CDNF: variants seen among roughly 807,000 people sequenced by gnomAD.
The protein encoded by CDNF is cerebral dopamine neurotrophic factor.
CDNF carries 9 observed loss-of-function variants against 14.8 expected under a neutral mutation model. The ratio of observed to expected loss-of-function variants is 0.61; its 90% CI spans 0.37 to 1.06. The LOEUF is 1.06. Among genes scored for constraint, CDNF ranks in the 50% least tolerant of loss-of-function variants. The pLI, the probability that CDNF is intolerant of heterozygous loss-of-function variation, is 0.01. For synonymous variants in CDNF, 86 were observed against 87.2 expected, an observed-to-expected ratio of 0.99 and a Z score of 0.07; for missense variants, 228 against 228.4, an observed-to-expected ratio of 1.00 and a Z score of 0.01.
At chr10:14,826,040 G>GGAGAAGAA (rs1833780276) in intron 2 of CDNF, among the ~76,000 whole-genome samples, 1 of 95,966 alleles carries the variant, frequency 1.0e-5, no homozygotes, top group African/African-American at 4.3e-5. Context: ...AGAAGAAGAA[G>GGAGAAGAA]AAGAAGAAGA....
chr10:14,829,838 C>T (rs1833830578), intron 1 of CDNF, among the ~76,000 whole-genome samples: 2 of 152,134 alleles, frequency 1.3e-5, no homozygotes, highest in African/African-American at 4.8e-5. Context: ...CCATGTTGGC[C>T]AGGCTGGTCT....
At chr10:14,828,442 A>G (rs529030911) in intron 1 of CDNF, among the ~76,000 whole-genome samples, 170 bp from the exon 2 acceptor site, 2 of 152,110 alleles carry the variant, frequency 1.3e-5, no homozygotes, top group Admixed American at 6.5e-5. Context: ...AGGTCAGGAT[A>G]TCGAGACCAT....
At chr10:14,820,709 G>C (rs1833731025) in intron 3 of CDNF, among the ~76,000 whole-genome samples, 1 of 151,912 alleles carries the variant, frequency 6.6e-6, no homozygotes, top group Admixed American at 6.6e-5. Context: ...TCCAGCCTGG[G>C]AAACAGATTG....
chr10:14,825,442 T>A lies in CDNF; in HGVS notation c.385+37A>T, dbSNP rs753883042. ...CCAACTTTAGAGGTTTGGGAATCCA[T>A]TGGACCTACTGGGAAAAACACGGGG... On this transcript the variant is annotated intron_variant, in intron 3 of 3. Transcript: ENST00000465530. 27 of 1,598,442 alleles carry A rather than the reference T, an allele frequency of 1.7e-5. No individual in the cohort carries two copies. In the Admixed American group the frequency reaches 2.9e-4, roughly 17 times the overall value.
chr10:14,823,234 G>C (rs951087125), intron 3 of CDNF, among the ~76,000 whole-genome samples: 6 of 152,142 alleles, frequency 3.9e-5, no homozygotes, highest in South Asian at 2.1e-4. Flanking sequence ...AGTTTTTCTA[G>C]AGAACTTGGT....
At chr10:14,836,912 ACAGT>A (rs1314255988) in intron 1 of CDNF, among the ~76,000 whole-genome samples, 4 of 152,232 alleles carry the variant, frequency 2.6e-5, no homozygotes, top group African/African-American at 7.2e-5. Context: ...CCTGGGCAAC[ACAGT>A]GAGACTGTCT....
intron 3 of CDNF, among the ~76,000 whole-genome samples, chr10:14,822,223 C>G (rs141531157): frequency 6.6e-6 from 1 of 152,246 alleles, no homozygotes; most frequent in Non-Finnish European, 1.5e-5. Flanking sequence ...TACTTGTCAC[C>G]AACATCTAAC....
intron 1 of CDNF, among the ~76,000 whole-genome samples, chr10:14,836,622 G>C (rs890999025): frequency 6.6e-6 from 1 of 152,198 alleles, no homozygotes; most frequent in Non-Finnish European, 1.5e-5. Flanking sequence ...CTCATAGAAA[G>C]CCAGGCTCCA....
At chr10:14,827,485 T>A (rs1164280361) in intron 2 of CDNF, among the ~76,000 whole-genome samples, 4 of 152,180 alleles carry the variant, frequency 2.6e-5, no homozygotes, top group African/African-American at 9.6e-5. Flanking sequence ...TAAATAATAA[T>A]GTAAAATATT....
intron 3 of CDNF, among the ~76,000 whole-genome samples, chr10:14,821,953 G>A (rs1320003978): frequency 1.3e-5 from 2 of 152,184 alleles, no homozygotes; most frequent in Non-Finnish European, 2.9e-5. Flanking sequence ...CAAAGCAAAT[G>A]AGCACATACA....
At chr10:14,822,762 C>T (rs749854068) in intron 3 of CDNF, among the ~76,000 whole-genome samples, 1 of 152,134 alleles carries the variant, frequency 6.6e-6, no homozygotes, top group Non-Finnish European at 1.5e-5. Context: ...ACATTAAAAA[C>T]CTAATATTTG....
intron 1 of CDNF, among the ~76,000 whole-genome samples, chr10:14,830,474 T>C (rs1833835779): frequency 1.3e-5 from 2 of 152,184 alleles, no homozygotes; most frequent in Admixed American, 6.5e-5. Context: ...CTTTTCTAAG[T>C]GGCAGCTCTA....
intron 3 of CDNF, among the ~76,000 whole-genome samples, chr10:14,822,791 C>A (rs755808340): frequency 6.6e-6 from 1 of 152,140 alleles, no homozygotes; most frequent in African/African-American, 2.4e-5. Context: ...TTTGTCAAAA[C>A]CTTCCGGTAA....
Sources: gnomAD v4.1 joint callset for allele counts (sites outside exome capture counted in the v4.1 genomes callset) on GRCh38, gnomAD v4.1.1 for gene constraint, MANE v1.5 for transcripts, NCBI Gene and HGNC (gene_info 2026-07-23, HGNC 2026-07-21) for gene names.